The following GRIK1 variants were observed in gnomAD, a reference collection of about 807,000 sequenced individuals.
The protein encoded by GRIK1 is glutamate ionotropic receptor kainate type subunit 1.
GRIK1 carries 69 observed loss-of-function variants against 105.7 expected under a neutral mutation model. The ratio of observed to expected loss-of-function variants is 0.65; its 90% CI spans 0.54 to 0.80. The LOEUF (loss-of-function observed/expected upper bound fraction) is 0.80. Among genes scored for constraint, GRIK1 ranks in the 30% least tolerant of loss-of-function variants. The pLI is 0.00. For synonymous variants in GRIK1, 438 were observed against 431.3 expected (o/e 1.02, Z -0.19); for missense variants, 1,109 against 1,167.3 (o/e 0.95, Z 0.73).
In GRIK1 at chr21:29,537,839, T is replaced by G; in HGVS notation, c.2653A>C (p.Arg885=). 2 of 1,530,434 alleles carry G rather than the reference T, an allele frequency of 1.3e-6. No homozygotes were observed. The highest frequency in any genetic ancestry group is 1.1e-5 in the South Asian group (1 of 88,294). The allele number at this position is 1,530,434 out of a possible 1,614,324, so 94.8% of individuals were successfully genotyped here. Residue 885 remains arginine, a synonymous_variant, in exon 17 of 18, where the codon AGG becomes CGG. Transcript: ENST00000327783. ...RIRFYFRNKV[R]FHGRKKQSLG... is the part of the protein sequence containing the mutation. ...CTTTGTTTTTTTCTCCCATGAAACC[T>G]TACTTTGTTCCTAAAATAAAATCTA...
chr21:29,597,951 C>T (rs368677936), intron 8 of GRIK1, among the ~76,000 whole-genome samples: 3 of 152,050 alleles, frequency 2.0e-5, no homozygotes, highest in South Asian at 2.1e-4. Context: ...ATCAAGCAAT[C>T]GATTGTTCCC....
chr21:29,537,739 A>T, intron 17 of GRIK1, 59 bp downstream of exon 17: 1 of 855,754 alleles, frequency 1.2e-6, no homozygotes, highest in Non-Finnish European at 2.0e-6. Context: ...TGATCCAAAC[A>T]TTGATAGGAT....
intron 7 of GRIK1, among the ~76,000 whole-genome samples, chr21:29,637,282 A>G (rs1230997335): frequency 1.3e-5 from 2 of 152,156 alleles, no homozygotes; most frequent in African/African-American, 4.8e-5. Context: ...TCTTCTTTCC[A>G]GATGCTTCAG....
intron 1 of GRIK1, among the ~76,000 whole-genome samples, chr21:29,816,689 C>T (rs2067162998): frequency 6.6e-6 from 1 of 152,024 alleles, no homozygotes; most frequent in Non-Finnish European, 1.5e-5. Context: ...ATAAGCCAAG[C>T]ACAGAAAGTC....
chr21:29,710,028 T>G (rs116082427), intron 1 of GRIK1, among the ~76,000 whole-genome samples: 28 of 151,800 alleles, frequency 1.8e-4, no homozygotes, highest in African/African-American at 6.5e-4. Flanking sequence ...GAAGGCAGAT[T>G]GAAATAAATG....
intron 1 of GRIK1, among the ~76,000 whole-genome samples, chr21:29,733,133 C>T (rs1341561355): frequency 6.6e-6 from 1 of 152,050 alleles, no homozygotes; most frequent in Non-Finnish European, 1.5e-5. Context: ...GAATATCTGC[C>T]ATATATTTCG....
In GRIK1 at chr21:29,544,841, G is replaced by A. The variant is rs73897674; in HGVS notation, c.2608-6957C>T. 4.3e-3 allele frequency among the ~76,000 whole-genome samples: 654 copies of A among 152,338 alleles called. 2 individuals are homozygous for A. Among genetic ancestry groups the A allele is most frequent in the African/African-American group, 0.015 (608 of 41,586 alleles). On this transcript the variant is annotated intron_variant, in intron 16 of 17. Coordinates refer to ENST00000327783, the MANE Select transcript of GRIK1 (RefSeq NM_001330994.2). ...GCTCTCAAGGAGAAAAGTTCAATCAGGTGATGTGAGAATCTTGACCAAAGC... is the reference window on the plus strand; with the variant it reads ...GCTCTCAAGGAGAAAAGTTCAATCAAGTGATGTGAGAATCTTGACCAAAGC...
chr21:29,867,793 G>A (rs914727282), intron 1 of GRIK1, among the ~76,000 whole-genome samples: 11 of 114,538 alleles, frequency 9.6e-5, no homozygotes, highest in East Asian at 3.2e-4. Flanking sequence ...AAACTATGTC[G>A]AAAGAAGAAA....
chr21:29,719,308 T>G (rs2064261454), intron 1 of GRIK1, among the ~76,000 whole-genome samples: 1 of 151,982 alleles, frequency 6.6e-6, no homozygotes, highest in Non-Finnish European at 1.5e-5. Context: ...TTTTTCTATC[T>G]TCAGCTATCA....
intron 8 of GRIK1, among the ~76,000 whole-genome samples, chr21:29,597,857 A>G (rs551076153): frequency 6.6e-6 from 1 of 152,308 alleles, no homozygotes; most frequent in Non-Finnish European, 1.5e-5. Flanking sequence ...CCTGCAAAAA[A>G]AATGTGTCCT....
chr21:29,781,916 C>T (rs188678217), intron 1 of GRIK1, among the ~76,000 whole-genome samples: 3,635 of 149,626 alleles, frequency 0.024, 116 homozygotes, highest in East Asian at 0.1. Flanking sequence ...ATGATCCACC[C>T]GCCTCGGCCT....
intron 1 of GRIK1, among the ~76,000 whole-genome samples, chr21:29,771,623 C>G (rs183104854): frequency 6.6e-6 from 1 of 152,138 alleles, no homozygotes; most frequent in Non-Finnish European, 1.5e-5. Context: ...GGTGTTCATA[C>G]GCTTGATGTC....
intron 1 of GRIK1, among the ~76,000 whole-genome samples, chr21:29,934,355 A>C (rs903915710): frequency 2.7e-4 from 41 of 152,316 alleles, no homozygotes; most frequent in Admixed American, 5.9e-4. Context: ...CTTAGTACAC[A>C]CAGTGAAAGG....
chr21:29,807,411 A>G (rs1485444729), intron 1 of GRIK1, among the ~76,000 whole-genome samples: 1 of 152,114 alleles, frequency 6.6e-6, no homozygotes, highest in Admixed American at 6.6e-5. Context: ...AAGGCAAGTG[A>G]GGACGGTCAT....
intron 1 of GRIK1, among the ~76,000 whole-genome samples, chr21:29,777,490 AT>A (rs1569080964): frequency 6.6e-6 from 1 of 152,182 alleles, no homozygotes; most frequent in East Asian, 1.9e-4. Context: ...AGAAAAGGTA[AT>A]TGGAGAGGGT....
chr21:29,598,452 C>T (rs1271649499), intron 8 of GRIK1, among the ~76,000 whole-genome samples: 4 of 152,102 alleles, frequency 2.6e-5, no homozygotes, highest in Non-Finnish European at 4.4e-5. Context: ...CTGGGTAACC[C>T]TTGGATGCCA....
intron 4 of GRIK1, among the ~76,000 whole-genome samples, chr21:29,655,919 C>T (rs1446469044): frequency 6.6e-6 from 1 of 152,010 alleles, no homozygotes; most frequent in African/African-American, 2.4e-5. Flanking sequence ...TTTGGAGTCC[C>T]GGAAATGGTG....
intron 14 of GRIK1, among the ~76,000 whole-genome samples, chr21:29,570,306 G>A (rs556131737): frequency 1.3e-5 from 2 of 152,172 alleles, no homozygotes; most frequent in Admixed American, 6.5e-5. Context: ...TTCAAGACAA[G>A]CCTGTTCAAC....
Position 29,588,994 on chromosome 21 carries a change from T to A in GRIK1, c.1414A>T (p.Asn472Tyr). ...AGGCAATATCCTTCAAATCTGTCAT[T>A]TCCATATAGAGGCTTATCAGATTTC... ...YRKSDKPLYG[N>Y]DRFEGYCLDL... The change falls in exon 11 of 18, where the codon AAT becomes TAT. Residue 472 changes from asparagine (N) to tyrosine (Y), a missense_variant. Asn to Tyr is a moderately radical substitution (Grantham distance 143). Around this residue, in one of 5 missense-constraint regions of GRIK1, gnomAD observed 612 missense variants for 586.0 expected, o/e 1.04. Coordinates refer to ENST00000327783, the MANE Select transcript of GRIK1 (RefSeq NM_001330994.2). 11 of 1,605,070 alleles carry A rather than the reference T, an allele frequency of 6.9e-6. No individual in the cohort carries two copies. The highest frequency in any genetic ancestry group is 8.5e-6 in the Non-Finnish European group (10 of 1,171,696).
Sources: allele counts gnomAD v4.1 joint callset (sites outside exome capture counted in the v4.1 genomes callset), GRCh38; gene constraint gnomAD v4.1.1; regional missense constraint gnomAD v4.1.1; transcripts MANE v1.5; gene names NCBI Gene and HGNC (gene_info 2026-07-23, HGNC 2026-07-21).